The following ASTN2 variants were observed in gnomAD, a reference collection of about 807,000 sequenced individuals.
The protein encoded by ASTN2 is astrotactin-2.
In ASTN2, 54 loss-of-function variants were observed where a neutral mutation model predicts 139.8. The observed-to-expected ratio is 0.39, with a 90% CI of 0.31 to 0.48. The LOEUF (loss-of-function observed/expected upper bound fraction) is 0.48. Ranked by LOEUF, ASTN2 falls within the 20% of genes least tolerant of loss-of-function variation. The pLI, the probability that ASTN2 is intolerant of heterozygous loss-of-function variation, is 0.95. For synonymous variants in ASTN2, 756 were observed against 719.5 expected (o/e 1.05, Z -0.81); for missense variants, 1,565 against 1,725.1 (o/e 0.91, Z 1.64).
At chr9:117,237,794 C>T (rs1470386143) in intron 2 of ASTN2, among the ~76,000 whole-genome samples, 1 of 152,200 alleles carries the variant, frequency 6.6e-6, no homozygotes, top group African/African-American at 2.4e-5. Context: ...TGAGTTCTGC[C>T]TGTGTGCCAT....
At chr9:116,517,237 C>G (rs1416020942) in intron 19 of ASTN2, among the ~76,000 whole-genome samples, 6 of 152,208 alleles carry the variant, frequency 3.9e-5, no homozygotes, top group Non-Finnish European at 7.3e-5. Flanking sequence ...AAAAACACAA[C>G]TGAGGACCAT....
chr9:116,548,454 T>C (rs1852199743), intron 19 of ASTN2, among the ~76,000 whole-genome samples: 1 of 149,408 alleles, frequency 6.7e-6, no homozygotes, highest in Non-Finnish European at 1.5e-5. Context: ...GAGAATGACC[T>C]GGGGGAGGGT....
chr9:116,704,297 T>C (rs1470554722), intron 16 of ASTN2, among the ~76,000 whole-genome samples: 1 of 151,792 alleles, frequency 6.6e-6, no homozygotes. Flanking sequence ...GCATAATCTT[T>C]GTTATAACTG....
chr9:116,843,900 C>G (rs1326619868), intron 11 of ASTN2, among the ~76,000 whole-genome samples: 1 of 151,996 alleles, frequency 6.6e-6, no homozygotes, highest in Admixed American at 6.5e-5. Context: ...TGCACATGTA[C>G]CCTCTGAAGC....
At position 116,805,766 on chromosome 9, in the gene ASTN2, T is replaced by C. The variant is rs1376614377; in HGVS notation, c.2262A>G (p.Ser754=). Residue 754 remains serine, a synonymous_variant, in exon 13 of 23, where the codon TCA becomes TCG. Coordinates refer to ENST00000313400, the MANE Select transcript of ASTN2 (RefSeq NM_001365068.1). Reference sequence around the variant, plus strand: ...GGCACTTGGGGCCCTCGCAGACATCTGAGAGCATTAAGCAGGATTTTCCAT... The same window carrying C: ...GGCACTTGGGGCCCTCGCAGACATCCGAGAGCATTAAGCAGGATTTTCCAT... The part of the protein sequence containing the change: ...APDGKSCLML[S]DVCEGPKCLK... 2 of 1,613,976 alleles carry C rather than the reference T, an allele frequency of 1.2e-6. No individual in the cohort carries two copies. The highest frequency in any genetic ancestry group is 2.7e-5 in the African/African-American group (2 of 75,044).
chr9:116,595,344 T>C (rs1013510073), intron 19 of ASTN2, among the ~76,000 whole-genome samples: 1 of 152,082 alleles, frequency 6.6e-6, no homozygotes. Context: ...GTTGTTGTTG[T>C]TGAGACGGAG....
At chr9:117,219,901 GAT>G in intron 2 of ASTN2, among the ~76,000 whole-genome samples, 1 of 152,284 alleles carries the variant, frequency 6.6e-6, no homozygotes, top group African/African-American at 2.4e-5. Flanking sequence ...AGAGTGCTCT[GAT>G]GGGGAAACCA....
intron 6 of ASTN2, among the ~76,000 whole-genome samples, chr9:117,016,900 A>C (rs181169711): frequency 9.3e-4 from 141 of 151,066 alleles, no homozygotes; most frequent in African/African-American, 3.3e-3. Context: ...GCTGTGCCCA[A>C]ATTTGCTCCA....
At chr9:117,291,736 T>A (rs143579298) in intron 1 of ASTN2, among the ~76,000 whole-genome samples, 16 of 152,340 alleles carry the variant, frequency 1.1e-4, no homozygotes, top group Admixed American at 9.1e-4. Flanking sequence ...AAGCAGGGTT[T>A]GCACCCACAT....
chr9:116,621,414 TACACACAC>T (rs56109422), intron 17 of ASTN2, among the ~76,000 whole-genome samples: 1 of 142,166 alleles, frequency 7.0e-6, no homozygotes, highest in Non-Finnish European at 1.5e-5. Context: ...TTAAAACACA[TACACACAC>T]ACACACACAC....
At chr9:117,120,028 A>ATATATATATATACCCTGAG (rs1564435539) in intron 4 of ASTN2, among the ~76,000 whole-genome samples, 2 of 91,056 alleles carry the variant, frequency 2.2e-5, no homozygotes, top group Non-Finnish European at 4.9e-5. Context: ...GTATATATAT[A>ATATATATATATACCCTGAG]TATATATATA....
At chr9:117,014,993 A>G (rs1015251520) in intron 6 of ASTN2, among the ~76,000 whole-genome samples, 3 of 151,956 alleles carry the variant, frequency 2.0e-5, no homozygotes, top group African/African-American at 7.2e-5. Flanking sequence ...AATTACCTCT[A>G]TCTTATTTCT....
intron 19 of ASTN2, among the ~76,000 whole-genome samples, chr9:116,535,801 T>A (rs995011059): frequency 1.1e-4 from 16 of 152,202 alleles, no homozygotes; most frequent in Non-Finnish European, 1.8e-4. Context: ...TTTTCCTTCA[T>A]TTCAACTTTG....
intron 17 of ASTN2, among the ~76,000 whole-genome samples, chr9:116,634,891 T>G (rs1182021623): frequency 6.6e-6 from 1 of 151,964 alleles, no homozygotes; most frequent in Non-Finnish European, 1.5e-5. Flanking sequence ...GCCTACTCTG[T>G]GCTGGATGCT....
At chr9:117,032,359 C>A (rs1386550036) in intron 6 of ASTN2, among the ~76,000 whole-genome samples, 5 of 151,992 alleles carry the variant, frequency 3.3e-5, no homozygotes, top group Admixed American at 3.3e-4. Flanking sequence ...AATGAGTTAA[C>A]AAAGAAAAAG....
chr9:116,965,754 A>G (rs1417427773), intron 10 of ASTN2, among the ~76,000 whole-genome samples: 3 of 152,142 alleles, frequency 2.0e-5, no homozygotes, highest in Non-Finnish European at 2.9e-5. Context: ...ATTCATACAG[A>G]GCAGAAAGGG....
intron 19 of ASTN2, among the ~76,000 whole-genome samples, chr9:116,533,305 A>G (rs1851448289): frequency 1.3e-5 from 2 of 152,184 alleles, no homozygotes; most frequent in African/African-American, 4.8e-5. Context: ...GTCATCTGCA[A>G]ACAGGGACAA....
At chr9:117,099,555 G>C (rs1460055075) in intron 4 of ASTN2, among the ~76,000 whole-genome samples, 1 of 152,214 alleles carries the variant, frequency 6.6e-6, no homozygotes, top group Non-Finnish European at 1.5e-5. Flanking sequence ...GCATAGTGCA[G>C]TATCTCTTCC....
intron 19 of ASTN2, among the ~76,000 whole-genome samples, chr9:116,495,428 C>G (rs773807548): frequency 1.3e-5 from 2 of 152,104 alleles, no homozygotes; most frequent in African/African-American, 4.8e-5. Flanking sequence ...GACAAGTGAC[C>G]TAGGCTTAAT....
Sources: allele counts gnomAD v4.1 joint callset (sites outside exome capture counted in the v4.1 genomes callset), GRCh38; gene constraint gnomAD v4.1.1; transcripts MANE v1.5; gene names NCBI Gene and HGNC (gene_info 2026-07-23, HGNC 2026-07-21).